Variants in MGAT5 observed in about 807,000 individuals in gnomAD.
MGAT5 encodes the protein alpha-1,6-mannosylglycoprotein 6-beta-N-acetylglucosaminyltransferase A.
A neutral mutation model predicts 94.3 loss-of-function variants in MGAT5; 30 were observed. The ratio of observed to expected loss-of-function variants is 0.32; its 90% CI spans 0.24 to 0.43. The LOEUF (loss-of-function observed/expected upper bound fraction) is 0.43, where lower values mean the gene tolerates loss of function less well. Among genes scored for constraint, MGAT5 ranks in the 20% least tolerant of loss-of-function variants. The pLI is 1.00. For missense variants in MGAT5, 691 were observed against 905.5 expected, an observed-to-expected ratio of 0.76 and a Z score of 3.04; for synonymous variants, 310 against 322.9, an observed-to-expected ratio of 0.96 and a Z score of 0.43.
At chr2:134,221,841 A>G (rs942023897) in intron 1 of MGAT5, among the ~76,000 whole-genome samples, 1 of 152,130 alleles carries the variant, frequency 6.6e-6, no homozygotes, top group Non-Finnish European at 1.5e-5. Context: ...AGGACCTTTC[A>G]GACAGGAATT....
chr2:134,320,582 G>A (rs912813908), intron 4 of MGAT5, among the ~76,000 whole-genome samples: 1 of 152,124 alleles, frequency 6.6e-6, no homozygotes, highest in Non-Finnish European at 1.5e-5. Context: ...TGCCTCCACA[G>A]ACCCTCTGCT....
intron 1 of MGAT5, among the ~76,000 whole-genome samples, chr2:134,205,599 C>A (rs1361735446): frequency 6.6e-6 from 1 of 152,154 alleles, no homozygotes; most frequent in Non-Finnish European, 1.5e-5. Flanking sequence ...GGGATACATA[C>A]TAAACACTGA....
intron 14 of MGAT5, among the ~76,000 whole-genome samples, chr2:134,437,420 G>A (rs1685222792): frequency 6.6e-6 from 1 of 152,154 alleles, no homozygotes; most frequent in South Asian, 2.1e-4. Flanking sequence ...GTTTGTAGAT[G>A]TCATGTAAGT....
At chr2:134,370,731 G>T (rs1253628279) in intron 10 of MGAT5, among the ~76,000 whole-genome samples, 5 of 152,218 alleles carry the variant, frequency 3.3e-5, no homozygotes, top group Non-Finnish European at 7.3e-5. Flanking sequence ...TAAATTCAAG[G>T]ATAAGATTGG....
intron 7 of MGAT5, among the ~76,000 whole-genome samples, chr2:134,344,495 G>A (rs369091697): frequency 1.3e-5 from 2 of 152,032 alleles, no homozygotes; most frequent in South Asian, 4.2e-4. Flanking sequence ...AAGTTATTGA[G>A]TATCTAGTAT....
At chr2:134,189,602 G>GTTTTGTTTTGTTTTTTTTTTT (rs1553490380) in intron 1 of MGAT5, among the ~76,000 whole-genome samples, 13 of 84,650 alleles carry the variant, frequency 1.5e-4, no homozygotes, top group African/African-American at 4.8e-4. Flanking sequence ...GTTTTTTTTT[G>GTTTTGTTTTGTTTTTTTTTTT]TTTTTTTTTT....
chr2:134,398,539 G>A (rs1190705334), intron 10 of MGAT5, among the ~76,000 whole-genome samples: 2 of 152,130 alleles, frequency 1.3e-5, no homozygotes, highest in Admixed American at 6.5e-5. Context: ...GGTGTTACTG[G>A]GGAGGATACT....
At chr2:134,319,140 C>T (rs896891713) in intron 4 of MGAT5, among the ~76,000 whole-genome samples, 5 of 152,124 alleles carry the variant, frequency 3.3e-5, no homozygotes, top group Admixed American at 6.5e-5. Context: ...ACTAACTCCC[C>T]CTTAAGACCC....
chr2:134,237,963 C>A (rs1573586883), intron 1 of MGAT5, among the ~76,000 whole-genome samples: 2 of 152,136 alleles, frequency 1.3e-5, no homozygotes, highest in Non-Finnish European at 2.9e-5. Flanking sequence ...GTTGGCCAGG[C>A]TGATCTCCAA....
At chr2:134,399,438 C>T (rs1223623314) in intron 10 of MGAT5, among the ~76,000 whole-genome samples, 1 of 152,230 alleles carries the variant, frequency 6.6e-6, no homozygotes, top group Non-Finnish European at 1.5e-5. Context: ...AGCATGCGCT[C>T]TCCTTCCCTT....
intron 7 of MGAT5, among the ~76,000 whole-genome samples, chr2:134,343,086 T>A (rs577056011): frequency 9.2e-5 from 14 of 151,898 alleles, no homozygotes; most frequent in African/African-American, 3.1e-4. Flanking sequence ...AATAAATAGG[T>A]GAATGAATGA....
In MGAT5 at chr2:134,453,434, T is replaced by C. The variant is rs1686202462; in HGVS notation, c.*4587T>C. On this transcript the variant is annotated 3_prime_UTR_variant, in exon 16 of 16. Transcript: ENST00000281923. The stretch of plus-strand genomic sequence containing the variant: ...ACGTCTTTCAGAACATTCCAAGGGT[T>C]TTCCTCAAGGAACATTTTTGAGCTA... The C allele has an allele frequency of 6.6e-6, 1 of 152,228 alleles. No homozygotes were observed. The highest frequency in any genetic ancestry group is 6.5e-5 in the Admixed American group (1 of 15,286). 9.4% of individuals were successfully genotyped at this position (152,228 alleles called of 1,614,324 possible).
At chr2:134,434,118 C>T (rs116180065) in intron 14 of MGAT5, among the ~76,000 whole-genome samples, 8 of 152,198 alleles carry the variant, frequency 5.3e-5, no homozygotes, top group Non-Finnish European at 8.8e-5. Context: ...TTTCCCTGGC[C>T]CAGCAAACCA....
intron 10 of MGAT5, among the ~76,000 whole-genome samples, chr2:134,374,992 G>A (rs1681072325): frequency 6.6e-6 from 1 of 152,178 alleles, no homozygotes; most frequent in Non-Finnish European, 1.5e-5. Context: ...CTAGTCTCGA[G>A]GGACAGCAGA....
intron 1 of MGAT5, among the ~76,000 whole-genome samples, chr2:134,177,144 CGTGT>C (rs141358502): frequency 7.0e-6 from 1 of 142,628 alleles, no homozygotes; most frequent in South Asian, 2.2e-4. Flanking sequence ...CAAATGAACC[CGTGT>C]GTGTGTGTGT....
intron 1 of MGAT5, among the ~76,000 whole-genome samples, chr2:134,180,814 G>GC (rs1380210148): frequency 2.6e-5 from 4 of 152,144 alleles, no homozygotes; most frequent in Non-Finnish European, 5.9e-5. Flanking sequence ...TCTGTAAAAT[G>GC]CCCATTTCCA....
chr2:134,158,123 T>C (rs906429091), intron 1 of MGAT5, among the ~76,000 whole-genome samples: 3 of 152,238 alleles, frequency 2.0e-5, no homozygotes, highest in Admixed American at 2.0e-4. Context: ...CCATAAGTTA[T>C]CACTCTGGTA....
At chr2:134,254,675 A>C (rs1682820208) in intron 1 of MGAT5, 31 bp downstream of exon 1, 1 of 1,612,098 alleles carries the variant, frequency 6.2e-7, no homozygotes, top group East Asian at 2.2e-5. Context: ...CTCTCCATTA[A>C]AGTGTGCCTT....
At chr2:134,314,349 C>T (rs1686873312) in intron 2 of MGAT5, among the ~76,000 whole-genome samples, 2 of 152,194 alleles carry the variant, frequency 1.3e-5, no homozygotes, top group Admixed American at 1.3e-4. Flanking sequence ...GACAAACCAC[C>T]AGTTTGAGGA....
Sources: allele counts gnomAD v4.1 joint callset (sites outside exome capture counted in the v4.1 genomes callset), GRCh38; gene constraint gnomAD v4.1.1; transcripts MANE v1.5; gene names NCBI Gene and HGNC (gene_info 2026-07-23, HGNC 2026-07-21).